Variants in PLCB1 observed in about 807,000 individuals in gnomAD.
PLCB1 encodes the protein phospholipase C beta 1, also known as 1-phosphatidylinositol 4,5-bisphosphate phosphodiesterase beta-1.
PLCB1 carries 46 observed loss-of-function variants against 161.8 expected under a neutral mutation model. The observed-to-expected ratio is 0.28, with a 90% CI of 0.22 to 0.36. The LOEUF (loss-of-function observed/expected upper bound fraction) is 0.36. Among genes scored for constraint, PLCB1 ranks in the 10% least tolerant of loss-of-function variants. The pLI is 1.00. For synonymous variants in PLCB1, 517 were observed against 503.7 expected (o/e 1.03, Z -0.35); for missense variants, 1,016 against 1,472.5 (o/e 0.69, Z 5.07).
chr20:8,840,960 G>C lies in PLCB1; in HGVS notation c.3424-40662G>C, dbSNP rs557881508. 2.0e-5 allele frequency among the ~76,000 whole-genome samples: 3 copies of C among 152,116 alleles called. No homozygotes were observed. The South Asian group carries it at 6.3e-4, about 32-fold the overall frequency. On this transcript the variant is annotated intron_variant, in intron 31 of 31. Transcript: ENST00000338037. ...GCCTCCGGAGTAGCTGGGATTACAG[G>C]TGCCTGCCACCACACCCAACCAAAA...
At chr20:8,317,678 C>G (rs962603931) in intron 2 of PLCB1, among the ~76,000 whole-genome samples, 2 of 152,170 alleles carry the variant, frequency 1.3e-5, no homozygotes, top group Non-Finnish European at 2.9e-5. Flanking sequence ...AACATCCAAT[C>G]CAGATTATTC....
At chr20:8,311,378 T>C (rs1048175450) in intron 2 of PLCB1, among the ~76,000 whole-genome samples, 2 of 152,242 alleles carry the variant, frequency 1.3e-5, no homozygotes, top group African/African-American at 4.8e-5. Context: ...CAAATACTTA[T>C]GTGAATCTCT....
intron 3 of PLCB1, among the ~76,000 whole-genome samples, chr20:8,382,533 T>C (rs1600360766): frequency 6.6e-6 from 1 of 150,706 alleles, no homozygotes; most frequent in African/African-American, 2.4e-5. Context: ...TCCACCCATC[T>C]TGGCCTCTCA....
chr20:8,654,967 A>G (rs945830872), intron 7 of PLCB1, among the ~76,000 whole-genome samples: 1 of 152,030 alleles, frequency 6.6e-6, no homozygotes, highest in Non-Finnish European at 1.5e-5. Flanking sequence ...ATTTTCACCT[A>G]CTAACCCCAA....
intron 2 of PLCB1, among the ~76,000 whole-genome samples, chr20:8,174,125 A>C (rs1295156277): frequency 6.6e-6 from 1 of 152,130 alleles, no homozygotes; most frequent in African/African-American, 2.4e-5. Context: ...AGAAAAACAC[A>C]ACCTAAGAAT....
Position 8,608,625 on chromosome 20 carries a change from C to T in PLCB1, c.247-19669C>T, listed in dbSNP as rs113126616. Among the ~76,000 whole-genome samples, 37 of 152,190 alleles carry T rather than the reference C, an allele frequency of 2.4e-4. 1 individual carries two copies. The highest frequency in any genetic ancestry group is 8.2e-4 in the African/African-American group (34 of 41,514). ...ATACTTAGATTTATAGGGTATTTTC[C>T]TGCATAAGACACTAATGACTTTTAT... On this transcript the variant is annotated intron_variant, in intron 3 of 31. Transcript: ENST00000338037.
chr20:8,254,620 A>G (rs1981317999), intron 2 of PLCB1, among the ~76,000 whole-genome samples: 2 of 151,984 alleles, frequency 1.3e-5, no homozygotes, highest in African/African-American at 4.8e-5. Flanking sequence ...CAGGCTACCA[A>G]TCTTTGGCTT....
intron 3 of PLCB1, among the ~76,000 whole-genome samples, chr20:8,449,324 G>A (rs1980970811): frequency 6.6e-6 from 1 of 152,152 alleles, no homozygotes; most frequent in African/African-American, 2.4e-5. Context: ...ATAGCATCCT[G>A]CTTCTCTGTA....
At chr20:8,594,260 G>A (rs368835677) in intron 3 of PLCB1, among the ~76,000 whole-genome samples, 35 of 152,122 alleles carry the variant, frequency 2.3e-4, no homozygotes, top group Admixed American at 6.6e-4. Context: ...TTCTAAACTC[G>A]ACCGAAAATA....
intron 2 of PLCB1, among the ~76,000 whole-genome samples, chr20:8,341,713 G>A (rs977645049): frequency 6.6e-6 from 1 of 152,128 alleles, no homozygotes; most frequent in African/African-American, 2.4e-5. Flanking sequence ...TTATGTAGAT[G>A]TTAACATTTC....
At chr20:8,467,997 G>A (rs913518477) in intron 3 of PLCB1, among the ~76,000 whole-genome samples, 3 of 152,082 alleles carry the variant, frequency 2.0e-5, no homozygotes, top group Admixed American at 6.6e-5. Flanking sequence ...CACTGCTACA[G>A]GAAAAATGTG....
intron 3 of PLCB1, among the ~76,000 whole-genome samples, chr20:8,507,076 T>A (rs1983666611): frequency 6.6e-6 from 1 of 152,146 alleles, no homozygotes; most frequent in African/African-American, 2.4e-5. Flanking sequence ...TATACTGTAT[T>A]CTTACAATAA....
At chr20:8,852,434 T>C (rs1343665434) in intron 31 of PLCB1, among the ~76,000 whole-genome samples, 2 of 152,210 alleles carry the variant, frequency 1.3e-5, no homozygotes, top group African/African-American at 4.8e-5. Flanking sequence ...ATTCCAGGAC[T>C]GACATCAGGG....
chr20:8,732,661 C>A (rs1980319944), intron 18 of PLCB1, among the ~76,000 whole-genome samples: 1 of 130,030 alleles, frequency 7.7e-6, no homozygotes, highest in Admixed American at 8.0e-5. Context: ...GATATTGTAT[C>A]ATAATATTCT....
intron 2 of PLCB1, among the ~76,000 whole-genome samples, chr20:8,177,685 C>T (rs1006745438): frequency 6.6e-6 from 1 of 151,920 alleles, no homozygotes; most frequent in Admixed American, 6.6e-5. Flanking sequence ...TGTGATTCAG[C>T]TTTTTAAAAA....
chr20:8,612,253 G>T (rs544889437), intron 3 of PLCB1, among the ~76,000 whole-genome samples: 1 of 152,140 alleles, frequency 6.6e-6, no homozygotes, highest in Non-Finnish European at 1.5e-5. Context: ...TATGTTTATG[G>T]TATTGGTAGA....
intron 3 of PLCB1, among the ~76,000 whole-genome samples, chr20:8,475,647 A>G (rs1412208643): frequency 6.6e-6 from 1 of 152,178 alleles, no homozygotes; most frequent in Non-Finnish European, 1.5e-5. Context: ...ACTTTTTTTC[A>G]GATAATTGGT....
At chr20:8,258,914 C>T (rs931696442) in intron 2 of PLCB1, among the ~76,000 whole-genome samples, 127 of 152,216 alleles carry the variant, frequency 8.3e-4, no homozygotes, top group African/African-American at 2.9e-3. Flanking sequence ...TCAAGATATA[C>T]GACAGTTCTG....
intron 2 of PLCB1, among the ~76,000 whole-genome samples, chr20:8,155,972 G>A (rs2051555970): frequency 6.6e-6 from 1 of 152,100 alleles, no homozygotes. Flanking sequence ...AGCAGCATCT[G>A]GGGACTAAGT....
Sources: allele counts gnomAD v4.1 joint callset (sites outside exome capture counted in the v4.1 genomes callset), GRCh38; gene constraint gnomAD v4.1.1; transcripts MANE v1.5; gene names NCBI Gene and HGNC (gene_info 2026-07-23, HGNC 2026-07-21).